Variants in CA5A observed in about 807,000 individuals in gnomAD.
The protein encoded by CA5A is carbonic anhydrase 5A.
Under a neutral mutation model 37.1 loss-of-function variants are expected in CA5A, and 28 were observed. The ratio of observed to expected loss-of-function variants is 0.75; its 90% CI spans 0.56 to 1.03. The LOEUF (loss-of-function observed/expected upper bound fraction) is 1.03. Among genes scored for constraint, CA5A ranks in the 50% least tolerant of loss-of-function variants. The probability of loss-of-function intolerance (pLI) is 0.00; values close to 1 mark genes in which losing one functional copy is unlikely to be tolerated. For synonymous variants in CA5A, 171 were observed against 158.4 expected (o/e 1.08, Z -0.60); for missense variants, 444 against 399.9 (o/e 1.11, Z -0.94).
At chr16:87,894,582 A>C (rs1315366674) in intron 5 of CA5A, among the ~76,000 whole-genome samples, 2 of 152,094 alleles carry the variant, frequency 1.3e-5, no homozygotes, top group South Asian at 2.1e-4. Flanking sequence ...TTAAAAAAAA[A>C]AAAACAGCAT....
intron 5 of CA5A, among the ~76,000 whole-genome samples, chr16:87,892,560 T>TAAAA (rs2055735034): frequency 8.1e-6 from 1 of 122,828 alleles, no homozygotes; most frequent in African/African-American, 2.9e-5. Flanking sequence ...AATAATAAAT[T>TAAAA]AATTAATAAT....
At chr16:87,907,214 T>A (rs2055975517) in intron 2 of CA5A, among the ~76,000 whole-genome samples, 1 of 151,556 alleles carries the variant, frequency 6.6e-6, no homozygotes, top group Non-Finnish European at 1.5e-5. Context: ...TGAGACTCTG[T>A]CTCAAAAACA....
In CA5A at chr16:87,919,367, C is replaced by T. The variant is rs117966734; in HGVS notation, c.340+7381G>A. Among the ~76,000 whole-genome samples, 74 of 152,360 alleles carry T rather than the reference C, an allele frequency of 4.9e-4. 1 individual carries two copies. In the East Asian group the frequency reaches 0.014, roughly 29 times the overall value. On this transcript the variant is annotated intron_variant, in intron 2 of 6. Coordinates refer to ENST00000649794, the MANE Select transcript of CA5A (RefSeq NM_001739.2). ...CACACCTTGCTCCAGGCGGGGTCAC[C>T]CTCGGGCTGGCCAGACGAGCAGCCA...
intron 2 of CA5A, among the ~76,000 whole-genome samples, chr16:87,915,138 C>T (rs1486907942): frequency 2.6e-5 from 4 of 152,194 alleles, no homozygotes; most frequent in South Asian, 2.1e-4. Flanking sequence ...AGCGCACGTC[C>T]GACCACACTC....
chr16:87,909,619 G>A (rs543536635), intron 2 of CA5A, among the ~76,000 whole-genome samples: 15 of 152,326 alleles, frequency 9.8e-5, no homozygotes, highest in South Asian at 4.1e-4. Context: ...CTTTTTACTG[G>A]AAATGCCAGC....
rs370702277 is a variant in CA5A, at chr16:87,911,955, A to G, written c.341-7051T>C. ...GTCCCTGGCACGCAGTGAGAGCTCA[A>G]ATAATGGTAGCCACTTACTATTATT... On this transcript the variant is annotated intron_variant, in intron 2 of 6. Transcript: ENST00000649794. The surrounding 1 kb of genome is among the most constrained non-coding windows in gnomAD (Gnocchi z 4.6). 8.9e-3 allele frequency among the ~76,000 whole-genome samples: 1,349 copies of G among 152,296 alleles called. 25 individuals carry two copies. Among genetic ancestry groups the G allele is most frequent in the African/African-American group, 0.031 (1,295 of 41,566 alleles).
intron 3 of CA5A, among the ~76,000 whole-genome samples, chr16:87,903,776 A>T (rs935722621): frequency 4.6e-5 from 7 of 152,192 alleles, no homozygotes; most frequent in African/African-American, 1.7e-4. Context: ...AAAAGCATCA[A>T]AAAGTTAGGT....
intron 5 of CA5A, among the ~76,000 whole-genome samples, chr16:87,897,039 T>A (rs1300405681): frequency 6.6e-6 from 1 of 152,204 alleles, no homozygotes; most frequent in East Asian, 1.9e-4. Context: ...AGAGTCTCAG[T>A]TTCCCCAGGT....
chr16:87,900,131 G>A (rs2055857878), intron 5 of CA5A, among the ~76,000 whole-genome samples: 1 of 151,992 alleles, frequency 6.6e-6, no homozygotes, highest in Non-Finnish European at 1.5e-5. Flanking sequence ...TCCCCGGGAG[G>A]AAAACAGCCC....
At chr16:87,901,631 C>A (rs551815968) in intron 5 of CA5A, among the ~76,000 whole-genome samples, 7 of 150,972 alleles carry the variant, frequency 4.6e-5, no homozygotes, top group Non-Finnish European at 7.4e-5. Context: ...TCTTGTCACC[C>A]AGGCTGGAGT....
intron 5 of CA5A, among the ~76,000 whole-genome samples, chr16:87,899,383 A>G (rs1466485195): frequency 7.6e-6 from 1 of 132,164 alleles, no homozygotes; most frequent in African/African-American, 2.9e-5. Flanking sequence ...GCTCACTGCA[A>G]CCTCCACCGC....
intron 1 of CA5A, among the ~76,000 whole-genome samples, chr16:87,928,010 G>A (rs1489378896): frequency 6.6e-6 from 1 of 152,178 alleles, no homozygotes. Flanking sequence ...TTTTCCTTAA[G>A]AGACAGGATC....
At chr16:87,893,077 G>A (rs926704641) in intron 5 of CA5A, 15 of 886,842 alleles carry the variant, frequency 1.7e-5, no homozygotes, top group Admixed American at 7.1e-5. Context: ...CTCAAGCCCC[G>A]AGGCTGCCTG....
chr16:87,926,791 G>T lies in CA5A; in HGVS notation c.297C>A (p.Gly99=). The change falls in exon 2 of 7, where the codon GGC becomes GGA. Residue 99 remains glycine, a synonymous_variant. Coordinates refer to ENST00000649794, the MANE Select transcript of CA5A (RefSeq NM_001739.2). The stretch of plus-strand genomic sequence containing the variant: ...CGTCAAATTCCACCTGGAAGAGGTA[G>T]CCAGTGTTCCAGATGTACAGGCAGG... The part of the protein sequence containing the change: ...AASCLYIWNT[G]YLFQVEFDDA... 1 of 1,614,158 alleles carries T rather than the reference G, an allele frequency of 6.2e-7. No homozygotes were observed. The highest frequency in any genetic ancestry group is 8.5e-7 in the Non-Finnish European group (1 of 1,179,984).
At chr16:87,891,773 T>G in intron 6 of CA5A, 26 bp downstream of exon 6, 1 of 1,472,618 alleles carries the variant, frequency 6.8e-7, no homozygotes, top group Non-Finnish European at 9.0e-7. Context: ...TGAAGCGCCA[T>G]CGTGCCAGTT....
intron 5 of CA5A, among the ~76,000 whole-genome samples, chr16:87,899,378 C>G (rs1175040699): frequency 7.0e-6 from 1 of 143,846 alleles, no homozygotes; most frequent in African/African-American, 2.6e-5. Context: ...TCTGAGCTCA[C>G]TGCAACCTCC....
At chr16:87,927,583 C>T (rs569626755) in intron 1 of CA5A, among the ~76,000 whole-genome samples, 7 of 152,276 alleles carry the variant, frequency 4.6e-5, no homozygotes, top group Admixed American at 6.5e-5. Flanking sequence ...GTTCAGAGGT[C>T]AGGAACAGTG....
chr16:87,935,760 C>T (rs2144115429), intron 1 of CA5A, among the ~76,000 whole-genome samples: 1 of 152,096 alleles, frequency 6.6e-6, no homozygotes, highest in South Asian at 2.1e-4. Context: ...CCTGTAGTCC[C>T]AGTTACTTTG....
intron 1 of CA5A, among the ~76,000 whole-genome samples, chr16:87,929,474 A>G (rs2056366393): frequency 6.6e-6 from 1 of 150,686 alleles, no homozygotes; most frequent in African/African-American, 2.4e-5. Flanking sequence ...AAAAAAAGAT[A>G]TATAGTCCTG....
Sources: gnomAD v4.1 joint callset for allele counts (sites outside exome capture counted in the v4.1 genomes callset) on GRCh38, gnomAD v4.1.1 for gene constraint, Gnocchi (gnomAD v3.1) non-coding constraint, MANE v1.5 for transcripts, NCBI Gene and HGNC (gene_info 2026-07-23, HGNC 2026-07-21) for gene names.